Variants in AKAP6 observed in about 807,000 individuals in gnomAD.
AKAP6 encodes the protein A-kinase anchor protein 6.
In AKAP6, 58 loss-of-function variants were observed where a neutral mutation model predicts 188.5. The ratio of observed to expected loss-of-function variants is 0.31; its 90% confidence interval spans 0.25 to 0.38. The LOEUF is 0.38. Ranked by LOEUF, AKAP6 falls within the 10% of genes least tolerant of loss-of-function variation. AKAP6 has a pLI of 1.00. For missense variants in AKAP6, 2,710 were observed against 2,740.0 expected, an observed-to-expected ratio of 0.99 and a Z score of 0.24; for synonymous variants, 989 against 998.6, an observed-to-expected ratio of 0.99 and a Z score of 0.18.
intron 12 of AKAP6, among the ~76,000 whole-genome samples, chr14:32,786,298 C>CT (rs1162974012): frequency 0.011 from 906 of 82,540 alleles, 88 homozygotes; most frequent in African/African-American, 0.033. Flanking sequence ...AAACCTTTAT[C>CT]TTTTTTTTTT....
chr14:32,491,918 T>C (rs1189382915), intron 2 of AKAP6, among the ~76,000 whole-genome samples: 1 of 152,116 alleles, frequency 6.6e-6, no homozygotes, highest in Middle Eastern at 3.2e-3. Flanking sequence ...ATTGACGTTC[T>C]CCACCATTAA....
At chr14:32,679,553 C>T (rs1889584457) in intron 8 of AKAP6, among the ~76,000 whole-genome samples, 1 of 152,090 alleles carries the variant, frequency 6.6e-6, no homozygotes, top group Non-Finnish European at 1.5e-5. Context: ...ATAGTTCTGA[C>T]TGGAACTACA....
At chr14:32,516,158 C>T (rs552986659) in intron 2 of AKAP6, among the ~76,000 whole-genome samples, 26 of 152,214 alleles carry the variant, frequency 1.7e-4, no homozygotes, top group African/African-American at 6.3e-4. Context: ...TGATTTTTGT[C>T]CTTTTTGCGT....
chr14:32,738,805 A>G (rs2031549465), intron 11 of AKAP6, among the ~76,000 whole-genome samples: 2 of 152,182 alleles, frequency 1.3e-5, no homozygotes, highest in South Asian at 4.1e-4. Context: ...AAAGCCGGAT[A>G]ATAGTATAAT....
chr14:32,510,638 A>T (rs2139022103), intron 2 of AKAP6, among the ~76,000 whole-genome samples: 1 of 151,628 alleles, frequency 6.6e-6, no homozygotes, highest in African/African-American at 2.4e-5. Context: ...TATAGACCTT[A>T]AGCTGTGTCT....
intron 12 of AKAP6, among the ~76,000 whole-genome samples, chr14:32,820,554 G>C (rs894531596): frequency 2.2e-4 from 33 of 152,064 alleles, no homozygotes; most frequent in Non-Finnish European, 3.2e-4. Flanking sequence ...TTCTGGGGCT[G>C]GTGTGGGCTG....
chr14:32,434,969 G>A (rs1890334863), intron 2 of AKAP6, among the ~76,000 whole-genome samples: 1 of 152,124 alleles, frequency 6.6e-6, no homozygotes, highest in Non-Finnish European at 1.5e-5. Context: ...GGTTATTAGG[G>A]AAAAAAGTAC....
intron 8 of AKAP6, chr14:32,693,525 T>C (rs891690178): frequency 2.0e-5 from 3 of 152,196 alleles, no homozygotes; most frequent in African/African-American, 7.2e-5. Context: ...GTGGGGACAA[T>C]ATATGAGGCA....
At chr14:32,420,353 CA>C (rs1221543354) in intron 1 of AKAP6, among the ~76,000 whole-genome samples, 1 of 152,120 alleles carries the variant, frequency 6.6e-6, no homozygotes, top group Non-Finnish European at 1.5e-5. Flanking sequence ...CTCTTTCTCT[CA>C]CTTTCTCATA....
chr14:32,412,916 G>A (rs781649890), intron 1 of AKAP6, among the ~76,000 whole-genome samples: 20 of 152,234 alleles, frequency 1.3e-4, no homozygotes, highest in Non-Finnish European at 2.5e-4. Context: ...TATAGACATT[G>A]CACTTTTTTC....
intron 5 of AKAP6, among the ~76,000 whole-genome samples, chr14:32,580,728 A>G (rs1298810545): frequency 7.1e-6 from 1 of 140,980 alleles, no homozygotes; most frequent in Non-Finnish European, 1.5e-5. Context: ...AACAGTCCCC[A>G]GTGTGTGATG....
chr14:32,455,937 G>T (rs922500845), intron 2 of AKAP6, among the ~76,000 whole-genome samples: 2 of 152,164 alleles, frequency 1.3e-5, no homozygotes, highest in Admixed American at 1.3e-4. Flanking sequence ...ATTCACCAAA[G>T]AAGGACATTC....
intron 2 of AKAP6, among the ~76,000 whole-genome samples, chr14:32,435,420 ATTTTAG>A (rs1394165203): frequency 6.6e-6 from 1 of 152,226 alleles, no homozygotes; most frequent in Non-Finnish European, 1.5e-5. Context: ...GAAAATTTAA[ATTTTAG>A]TTCCAAATAA....
intron 12 of AKAP6, among the ~76,000 whole-genome samples, chr14:32,813,392 C>A (rs544626334): frequency 2.7e-5 from 3 of 111,404 alleles, no homozygotes; most frequent in Admixed American, 8.3e-5. Context: ...TAACCCTACC[C>A]CCCCCCCCAA....
Position 32,800,061 on chromosome 14 carries a change from C to CTATATATA in AKAP6, c.3589-21338_3589-21331dup, listed in dbSNP as rs1555363776. Among the ~76,000 whole-genome samples, 143 of 136,938 alleles carry CTATATATA rather than the reference C, an allele frequency of 1.0e-3. 1 individual carries two copies. The highest frequency in any genetic ancestry group is 3.6e-3 in the African/African-American group (136 of 37,456). 89.8% of individuals were successfully genotyped at this position (136,938 alleles called of 152,430 possible). Reference sequence around the variant, plus strand: ...CCTGTCTCTCTCTCTCTCTCTCTCTCTATATATATAGAAATATATATATAT... The same window carrying CTATATATA: ...CCTGTCTCTCTCTCTCTCTCTCTCTCTATATATATATATATATAGAAATATATATATAT... On this transcript the variant is annotated intron_variant, in intron 12 of 13. Coordinates refer to ENST00000280979, the MANE Select transcript of AKAP6 (RefSeq NM_004274.5).
intron 13 of AKAP6, among the ~76,000 whole-genome samples, chr14:32,828,506 ATC>A (rs3032470): frequency 4.7e-4 from 66 of 141,274 alleles, no homozygotes; most frequent in South Asian, 9.7e-4. Context: ...CCTATCATCT[ATC>A]TCTCTCTCTC....
intron 1 of AKAP6, among the ~76,000 whole-genome samples, chr14:32,388,323 T>G (rs186262056): frequency 3.3e-5 from 5 of 152,176 alleles, no homozygotes; most frequent in African/African-American, 1.2e-4. Flanking sequence ...TCTTTTGTAT[T>G]TTTGTTGTTG....
intron 7 of AKAP6, among the ~76,000 whole-genome samples, chr14:32,650,795 T>C (rs1047838822): frequency 1.3e-5 from 2 of 152,196 alleles, no homozygotes; most frequent in African/African-American, 4.8e-5. Flanking sequence ...AGACTATGCA[T>C]AGATTTTTAA....
chr14:32,470,366 A>G (rs1009656226), intron 2 of AKAP6, among the ~76,000 whole-genome samples: 8 of 152,168 alleles, frequency 5.3e-5, no homozygotes, highest in African/African-American at 1.9e-4. Context: ...ACTGAACAGC[A>G]GTCAAACCAA....
Sources: gnomAD v4.1 joint callset for allele counts (sites outside exome capture counted in the v4.1 genomes callset) on GRCh38, gnomAD v4.1.1 for gene constraint, MANE v1.5 for transcripts, NCBI Gene and HGNC (gene_info 2026-07-23, HGNC 2026-07-21) for gene names.